The following AMOTL1 variants were observed in gnomAD, a reference collection of about 807,000 sequenced individuals.
AMOTL1 encodes the protein angiomotin-like protein 1.
In AMOTL1, 45 loss-of-function variants were observed where a neutral mutation model predicts 102.9. That is an observed-to-expected ratio of 0.44 (90% confidence interval 0.34 to 0.56). The LOEUF is 0.56. Among genes scored for constraint, AMOTL1 ranks in the 20% least tolerant of loss-of-function variants. The probability of loss-of-function intolerance (pLI) is 0.01; values close to 1 mark genes in which losing one functional copy is unlikely to be tolerated. For missense variants in AMOTL1, 1,114 were observed against 1,225.6 expected (o/e 0.91, Z 1.36); for synonymous variants, 481 against 484.7 (o/e 0.99, Z 0.10).
chr11:94,740,851 C>A, intron 2 of AMOTL1: 1 of 1,128,044 alleles, frequency 8.9e-7, no homozygotes. Flanking sequence ...GCGCTTTTCC[C>A]GGGGACCTGC....
intron 3 of AMOTL1, among the ~76,000 whole-genome samples, chr11:94,745,552 T>C (rs539928431): frequency 1.3e-5 from 2 of 152,194 alleles, no homozygotes; most frequent in Non-Finnish European, 2.9e-5. Context: ...TATTTTTTAT[T>C]ATGTTGTGTC....
chr11:94,743,971 C>G (rs1384738615), intron 3 of AMOTL1, among the ~76,000 whole-genome samples: 5 of 152,132 alleles, frequency 3.3e-5, no homozygotes, highest in African/African-American at 1.2e-4. Context: ...CCTGTACTCA[C>G]AATACTTCTG....
At position 94,845,073 on chromosome 11, in the gene AMOTL1, C is replaced by T. The variant is rs74707236; in HGVS notation, c.1649-5041C>T. Among the ~76,000 whole-genome samples, 440 of 152,302 alleles carry T rather than the reference C, an allele frequency of 2.9e-3. 3 individuals are homozygous for T. Among genetic ancestry groups the T allele is most frequent in the African/African-American group, 0.01 (421 of 41,552 alleles). ...TGAAGCTGTAGCACAGCACATAGAG[C>T]CCTGACCTTATACACACATCCACCC... On this transcript the variant is annotated intron_variant, in intron 6 of 12. Coordinates refer to ENST00000433060, the MANE Select transcript of AMOTL1 (RefSeq NM_130847.3).
rs1023024925 is a variant in AMOTL1, at chr11:94,854,014, C to T, written c.1876C>T (p.Arg626Ter). The change falls in exon 8 of 13, where the codon CGA (arginine) becomes TGA (stop). Residue 626 changes from arginine to a stop codon, truncating the protein, a stop_gained. Coordinates refer to ENST00000433060, the MANE Select transcript of AMOTL1 (RefSeq NM_130847.3). LOFTEE classifies it high-confidence loss of function. ...LTQLQSACEK[R>*]EQMERRLRTW... is the part of the protein sequence containing the mutation. ...CCAGCTGCAGTCTGCATGTGAGAAGCGAGAACAGATGGAGCGGAGACTGCG... is the reference window on the plus strand; with the variant it reads ...CCAGCTGCAGTCTGCATGTGAGAAGTGAGAACAGATGGAGCGGAGACTGCG... The T allele has an allele frequency of 1.9e-6, 3 of 1,583,184 alleles. No homozygotes were observed. The highest frequency in any genetic ancestry group is 1.2e-5 in the South Asian group (1 of 86,678).
chr11:94,821,584 C>T lies in AMOTL1; in HGVS notation c.1176C>T (p.Ser392=). Reference sequence around the variant, plus strand: ...CCATGCAGCAGCACAGCCCCATGTCCTCCCAGACCTCTTCCGCCAGCGGGC... The same window carrying T: ...CCATGCAGCAGCACAGCCCCATGTCTTCCCAGACCTCTTCCGCCAGCGGGC... The part of the protein sequence containing the change: ...PSTMQQHSPM[S]SQTSSASGPL... The change falls in exon 4 of 13, where the codon TCC becomes TCT. Residue 392 remains serine, a synonymous_variant. Transcript: ENST00000433060. 1 of 1,613,952 alleles carries T rather than the reference C, an allele frequency of 6.2e-7. No homozygotes were observed.
At chr11:94,710,338 A>G (rs1950003723) in intron 1 of AMOTL1, among the ~76,000 whole-genome samples, 1 of 152,222 alleles carries the variant, frequency 6.6e-6, no homozygotes, top group Non-Finnish European at 1.5e-5. Flanking sequence ...AAAAGTATGA[A>G]TTTTGAAGTC....
intron 1 of AMOTL1, among the ~76,000 whole-genome samples, chr11:94,791,114 A>C (rs180753582): frequency 2.0e-5 from 3 of 152,370 alleles, no homozygotes; most frequent in Non-Finnish European, 4.4e-5. Flanking sequence ...TCAGAAAAGC[A>C]AGCCAAAAAA....
intron 6 of AMOTL1, among the ~76,000 whole-genome samples, chr11:94,835,863 G>A (rs924034486): frequency 7.2e-5 from 11 of 152,234 alleles, no homozygotes; most frequent in African/African-American, 2.2e-4. Flanking sequence ...AGTCATGGGT[G>A]TAAATGAGTC....
intron 3 of AMOTL1, among the ~76,000 whole-genome samples, chr11:94,756,015 G>A (rs1026571711): frequency 2.0e-5 from 3 of 152,106 alleles, no homozygotes; most frequent in East Asian, 3.9e-4. Context: ...TGAGGTGGAC[G>A]GGAAACCAGA....
chr11:94,740,505 C>T (rs1270420560), intron 2 of AMOTL1: 2 of 151,572 alleles, frequency 1.3e-5, no homozygotes, highest in Admixed American at 6.6e-5. Context: ...GGGTGCTCGC[C>T]GCCGCCGCCG....
In AMOTL1 at chr11:94,821,510, T is replaced by G; in HGVS notation, c.1122-20T>G. 1 of 1,607,372 alleles carries G rather than the reference T, an allele frequency of 6.2e-7. No homozygotes were observed. The highest frequency in any genetic ancestry group is 2.2e-5 in the East Asian group (1 of 44,732). On this transcript the variant is annotated intron_variant, in intron 3 of 12. Transcript: ENST00000433060. ...CACCATTTCCCCAGGCTCTAACTGC[T>G]GCCTTCCATTGCCTTGCAGCCGCCC...
intron 3 of AMOTL1, among the ~76,000 whole-genome samples, chr11:94,750,275 G>A (rs1950636476): frequency 6.6e-6 from 1 of 152,180 alleles, no homozygotes; most frequent in African/African-American, 2.4e-5. Context: ...CTGGGATTCA[G>A]AAACACCATA....
At chr11:94,791,375 A>G (rs962500163) in intron 1 of AMOTL1, among the ~76,000 whole-genome samples, 1 of 152,228 alleles carries the variant, frequency 6.6e-6, no homozygotes, top group Non-Finnish European at 1.5e-5. Flanking sequence ...GAGACTCCCC[A>G]GAGAGCTGAC....
intron 1 of AMOTL1, among the ~76,000 whole-genome samples, chr11:94,718,943 A>G (rs979325588): frequency 3.3e-5 from 5 of 151,900 alleles, no homozygotes; most frequent in Non-Finnish European, 7.4e-5. Flanking sequence ...TGTATTATTT[A>G]GTAAGATTTT....
chr11:94,732,754 G>A (rs1392587804), intron 2 of AMOTL1, among the ~76,000 whole-genome samples: 1 of 152,204 alleles, frequency 6.6e-6, no homozygotes, highest in Non-Finnish European at 1.5e-5. Flanking sequence ...CCTGCTGTCT[G>A]TCATCCATGC....
At chr11:94,808,496 A>G (rs570285436) in intron 3 of AMOTL1, among the ~76,000 whole-genome samples, 2 of 151,994 alleles carry the variant, frequency 1.3e-5, no homozygotes, top group African/African-American at 2.4e-5. Flanking sequence ...GCCATTTTTT[A>G]TTACATATTA....
intron 1 of AMOTL1, chr11:94,706,714 G>A (rs929437690): frequency 2.9e-4 from 44 of 152,370 alleles, no homozygotes; most frequent in African/African-American, 1.0e-3. Context: ...CCATTGGGTG[G>A]GGAGGGTGGC....
At chr11:94,733,882 T>A (rs753665354) in intron 2 of AMOTL1, among the ~76,000 whole-genome samples, 3 of 152,180 alleles carry the variant, frequency 2.0e-5, no homozygotes, top group African/African-American at 7.2e-5. Context: ...CATGTCCAAG[T>A]ACACCTTCTA....
At chr11:94,854,897 G>A (rs762283901) in intron 8 of AMOTL1, among the ~76,000 whole-genome samples, 11 of 152,160 alleles carry the variant, frequency 7.2e-5, no homozygotes, top group Non-Finnish European at 1.6e-4. Flanking sequence ...TATTCCTGCT[G>A]CCTGTCCTTC....
Sources: allele counts gnomAD v4.1 joint callset (sites outside exome capture counted in the v4.1 genomes callset), GRCh38; gene constraint gnomAD v4.1.1; transcripts MANE v1.5; gene names NCBI Gene and HGNC (gene_info 2026-07-23, HGNC 2026-07-21).